EIF3A: variants seen among roughly 807,000 people sequenced by gnomAD.
The protein encoded by EIF3A is eukaryotic translation initiation factor 3 subunit A, also known as EIF3, p180 subunit.
In EIF3A, 21 loss-of-function variants were observed where a neutral mutation model predicts 186.6. The observed-to-expected ratio is 0.11, with a 90% confidence interval of 0.08 to 0.16. The LOEUF (loss-of-function observed/expected upper bound fraction) is 0.16. Ranked by LOEUF, EIF3A falls within the 10% of genes least tolerant of loss-of-function variation. EIF3A has a pLI of 1.00. For synonymous variants in EIF3A, 563 were observed against 584.3 expected (o/e 0.96, Z 0.52); for missense variants, 1,306 against 1,796.3 (o/e 0.73, Z 4.93).
Position 119,065,574 on chromosome 10 carries a change from T to C in EIF3A, c.951-4A>G. ...TAAAAGGACTCTAGTAGACATTCTA[T>C]GGAGAACAAAGTTTTAAATCTGTTA... On this transcript the variant is annotated splice_region_variant and splice_polypyrimidine_tract_variant and intron_variant, in intron 6 of 21. Coordinates refer to ENST00000369144, the MANE Select transcript of EIF3A (RefSeq NM_003750.4). 2.5e-6 allele frequency: 4 copies of C among 1,590,220 alleles called. No homozygotes were observed. The East Asian group carries it at 6.7e-5, about 27-fold the overall frequency.
chr10:119,070,017 G>A (rs982802415), intron 5 of EIF3A, among the ~76,000 whole-genome samples: 5 of 152,082 alleles, frequency 3.3e-5, no homozygotes, highest in African/African-American at 1.2e-4. Flanking sequence ...TTAACTTATG[G>A]ATTTTTTTCT....
At chr10:119,076,108 G>A (rs924103793) in intron 1 of EIF3A, among the ~76,000 whole-genome samples, 2 of 150,466 alleles carry the variant, frequency 1.3e-5, no homozygotes, top group African/African-American at 4.9e-5. Context: ...GGAGGCGGGT[G>A]GATCACGAGG....
chr10:119,058,815 A>G (rs1342871770), intron 11 of EIF3A, among the ~76,000 whole-genome samples: 1 of 152,188 alleles, frequency 6.6e-6, no homozygotes, highest in African/African-American at 2.4e-5. Flanking sequence ...CCCAGGAGGT[A>G]GAGATTGCAA....
intron 14 of EIF3A, among the ~76,000 whole-genome samples, chr10:119,055,250 A>G (rs1848409862): frequency 6.6e-6 from 1 of 151,632 alleles, no homozygotes; most frequent in South Asian, 2.1e-4. Context: ...GAATAATAGG[A>G]AGGGTCAAGG....
In EIF3A at chr10:119,080,714, T is replaced by A. The variant is rs11198759; in HGVS notation, c.-38A>T. 433 of 1,571,764 alleles carry A rather than the reference T, an allele frequency of 2.8e-4. 5 individuals are homozygous for A. In the East Asian group the frequency reaches 9.7e-3, roughly 35 times the overall value. On this transcript the variant is annotated 5_prime_UTR_variant, in exon 1 of 22. Coordinates refer to ENST00000369144, the MANE Select transcript of EIF3A (RefSeq NM_003750.4). Reference sequence around the variant, plus strand: ...CTCAGCTCACCCGGCGTCAGCGAACTCTCTAGTGGCCCGGGCCGGGAGAGG... The same window carrying A: ...CTCAGCTCACCCGGCGTCAGCGAACACTCTAGTGGCCCGGGCCGGGAGAGG...
intron 14 of EIF3A, among the ~76,000 whole-genome samples, chr10:119,056,236 G>A (rs1379747939): frequency 6.6e-6 from 1 of 152,180 alleles, no homozygotes; most frequent in Non-Finnish European, 1.5e-5. Context: ...ACTATGGAAT[G>A]ACCTGTTTAG....
intron 8 of EIF3A, 66 bp from the exon 9 acceptor site, chr10:119,060,910 ACT>A (rs1448694724): frequency 2.9e-5 from 32 of 1,114,720 alleles, no homozygotes; most frequent in South Asian, 8.5e-5. Context: ...AACATCTAAA[ACT>A]CTTTTTTTTT....
At position 119,060,784 on chromosome 10, in the gene EIF3A, G is replaced by T; in HGVS notation, c.1288C>A (p.Gln430Lys). ...CGGAGGATGGTGTTGTTTTGCAGTT[G>T]TGGCACATACTGCTGCAATTCCGGT... The part of the protein sequence containing the change: ...KEPELQQYVP[Q>K]LQNNTILRLL... Residue 430 changes from glutamine (Q) to lysine (K), a missense_variant, in exon 9 of 22, where the codon CAA becomes AAA. By Grantham distance (53) the Gln-to-Lys change is moderately conservative. Coordinates refer to ENST00000369144, the MANE Select transcript of EIF3A (RefSeq NM_003750.4). 1.2e-6 allele frequency: 2 copies of T among 1,611,784 alleles called. No individual in the cohort carries two copies. The highest frequency in any genetic ancestry group is 8.5e-7 in the Non-Finnish European group (1 of 1,179,078).
intron 14 of EIF3A, among the ~76,000 whole-genome samples, chr10:119,055,822 T>C (rs979802332): frequency 1.3e-5 from 2 of 152,218 alleles, no homozygotes; most frequent in African/African-American, 4.8e-5. Context: ...TAAAAACACC[T>C]GGAAATCAAT....
intron 16 of EIF3A, 127 bp downstream of exon 16, chr10:119,050,394 C>T: frequency 1.1e-6 from 1 of 897,360 alleles, no homozygotes; most frequent in Non-Finnish European, 1.7e-6. Flanking sequence ...GTTCTGAGAT[C>T]CAGTTAATTA....
At chr10:119,044,575 G>C (rs1163679266) in intron 17 of EIF3A, among the ~76,000 whole-genome samples, 1 of 152,216 alleles carries the variant, frequency 6.6e-6, no homozygotes, top group Non-Finnish European at 1.5e-5. Flanking sequence ...TGGGCCGGGC[G>C]CGGTGGCTCA....
chr10:119,070,625 C>G (rs1844056625), intron 5 of EIF3A, among the ~76,000 whole-genome samples: 1 of 152,180 alleles, frequency 6.6e-6, no homozygotes, highest in Non-Finnish European at 1.5e-5. Context: ...TCGAGCAGCA[C>G]TGGCAATGTA....
intron 17 of EIF3A, among the ~76,000 whole-genome samples, chr10:119,049,504 A>AAG (rs2119818574): frequency 6.6e-6 from 1 of 151,096 alleles, no homozygotes; most frequent in East Asian, 1.9e-4. Context: ...AAAAAAAAAA[A>AAG]AAAAAGAGAA....
At chr10:119,040,561 C>T (rs1848193891) in intron 19 of EIF3A, among the ~76,000 whole-genome samples, 1 of 152,182 alleles carries the variant, frequency 6.6e-6, no homozygotes, top group African/African-American at 2.4e-5. Context: ...CACCTGTGTG[C>T]AGTACGCAGA....
chr10:119,038,484 GAAGA>G (rs1186300901), intron 19 of EIF3A, 45 bp from the exon 20 acceptor site: 3 of 1,495,972 alleles, frequency 2.0e-6, no homozygotes, highest in Middle Eastern at 1.8e-4. Context: ...ATTTTTAAAA[GAAGA>G]AACAGATTGG....
chr10:119,064,695 T>G (rs1843943689), intron 7 of EIF3A, among the ~76,000 whole-genome samples: 1 of 152,148 alleles, frequency 6.6e-6, no homozygotes, highest in South Asian at 2.1e-4. Context: ...AATTACCCAG[T>G]GTCAGGTACT....
At chr10:119,044,712 G>A (rs1455817184) in intron 17 of EIF3A, among the ~76,000 whole-genome samples, 1 of 152,056 alleles carries the variant, frequency 6.6e-6, no homozygotes, top group Non-Finnish European at 1.5e-5. Flanking sequence ...GCCAGGCGTG[G>A]TGGCAGGCGC....
rs1164753467 is a variant in EIF3A at position 119,072,209 on chromosome 10, A to T, written c.541+681T>A. ...TTTTTTAAAAACTAAAAATAAATTA[A>T]AAAAAAAAAAAAAAGTAGAGAACTC... On this transcript the variant is annotated intron_variant, in intron 4 of 21. Transcript: ENST00000369144. 6.1e-3 allele frequency among the ~76,000 whole-genome samples: 807 copies of T among 132,814 alleles called. 9 individuals carry two copies. The highest frequency in any genetic ancestry group is 5.1e-3 in the Non-Finnish European group (328 of 63,706). 87.1% of individuals were successfully genotyped at this position (132,814 alleles called of 152,430 possible).
intron 14 of EIF3A, among the ~76,000 whole-genome samples, chr10:119,056,405 G>A (rs1843783999): frequency 6.6e-6 from 1 of 152,130 alleles, no homozygotes; most frequent in Non-Finnish European, 1.5e-5. Flanking sequence ...TTTGAGACGT[G>A]TTTTAAAATT....
Sources: gnomAD v4.1 joint callset for allele counts (sites outside exome capture counted in the v4.1 genomes callset) on GRCh38, gnomAD v4.1.1 for gene constraint, MANE v1.5 for transcripts, NCBI Gene and HGNC (gene_info 2026-07-23, HGNC 2026-07-21) for gene names.